LAMC1: variants seen among roughly 807,000 people sequenced by gnomAD.
LAMC1 encodes laminin subunit gamma 1.
Under a neutral mutation model 173.6 loss-of-function variants are expected in LAMC1, and 38 were observed. The ratio of observed to expected loss-of-function variants is 0.22; its 90% CI spans 0.17 to 0.29. The LOEUF is 0.29. Among genes scored for constraint, LAMC1 ranks in the 10% least tolerant of loss-of-function variants. The pLI is 1.00. For synonymous variants in LAMC1, 746 were observed against 749.1 expected, an observed-to-expected ratio of 1.00 and a Z score of 0.07; for missense variants, 1,824 against 2,051.8, an observed-to-expected ratio of 0.89 and a Z score of 2.14.
intron 1 of LAMC1, among the ~76,000 whole-genome samples, chr1:183,061,059 G>T (rs774670737): frequency 6.6e-6 from 1 of 152,148 alleles, no homozygotes; most frequent in Non-Finnish European, 1.5e-5. Context: ...TTAAGTTATT[G>T]TAGCAATCCA....
At chr1:183,091,898 C>T (rs1034943191) in intron 1 of LAMC1, among the ~76,000 whole-genome samples, 2 of 152,200 alleles carry the variant, frequency 1.3e-5, no homozygotes, top group African/African-American at 4.8e-5. Context: ...TGACCAGTGC[C>T]TGCCTATAAA....
At chr1:183,119,211 T>TA (rs955763972) in intron 11 of LAMC1, among the ~76,000 whole-genome samples, 1 of 151,960 alleles carries the variant, frequency 6.6e-6, no homozygotes, top group Non-Finnish European at 1.5e-5. Context: ...TTTTTTTTCT[T>TA]AAAAAAAAGT....
chr1:183,126,839 T>C (rs1656633561), intron 16 of LAMC1, among the ~76,000 whole-genome samples: 1 of 152,220 alleles, frequency 6.6e-6, no homozygotes, highest in South Asian at 2.1e-4. Flanking sequence ...ATAAACAAAC[T>C]ATAAGATAAT....
chr1:183,102,623 C>G (rs74616397), intron 1 of LAMC1, among the ~76,000 whole-genome samples: 1,748 of 152,346 alleles, frequency 0.011, 27 homozygotes, highest in African/African-American at 0.04. Flanking sequence ...GCTGTCTTTT[C>G]CTCTCTGCTC....
rs1158511955 is a variant in LAMC1, at chr1:183,131,305, A to G, written c.3493A>G (p.Thr1165Ala). 1 of 1,612,798 alleles carries G rather than the reference A, an allele frequency of 6.2e-7. No homozygotes were observed. Among genetic ancestry groups the G allele is most frequent in the East Asian group, 2.2e-5 (1 of 44,872 alleles). ...AKVAAANVSV[T>A]QPESTGDPNN... ...TGCTTTATTTCCTGTGCAGTCAGTC[A>G]CTCAGCCAGAATCTACAGGGGACCC... Residue 1165 changes from threonine to alanine, a missense_variant, in exon 20 of 28, where the codon ACT (threonine) becomes GCT (alanine). By Grantham distance (58) the Thr-to-Ala change is moderately conservative (BLOSUM62 0). Coordinates refer to ENST00000258341, the MANE Select transcript of LAMC1 (RefSeq NM_002293.4).
At chr1:183,027,070 A>G (rs1021417073) in intron 1 of LAMC1, among the ~76,000 whole-genome samples, 1 of 152,184 alleles carries the variant, frequency 6.6e-6, no homozygotes, top group Non-Finnish European at 1.5e-5. Context: ...ATTTTAACAG[A>G]TGGCAAATAC....
At chr1:183,126,352 A>T (rs753790655) in intron 16 of LAMC1, 90 bp downstream of exon 16, 326 of 1,370,570 alleles carry the variant, frequency 2.4e-4, no homozygotes, top group Non-Finnish European at 3.1e-4. Context: ...GCCTCAGTCT[A>T]GCCACTTGAC....
Position 183,116,476 on chromosome 1 carries a change from C to CA in LAMC1, c.1329-88dup, listed in dbSNP as rs10689020. The CA allele has an allele frequency of 0.35, 241,458 of 684,628 alleles. 12,977 individuals are homozygous for CA. Among genetic ancestry groups the CA allele is most frequent in the East Asian group, 0.39 (12,945 of 33,332 alleles). 42.4% of individuals were successfully genotyped at this position (684,628 alleles called of 1,614,324 possible). On this transcript the variant is annotated intron_variant, in intron 6 of 27. Coordinates refer to ENST00000258341, the MANE Select transcript of LAMC1 (RefSeq NM_002293.4). ...TGGGCGACAGTGTGAGACTCTGTCT[C>CA]AAAAAAAAAAAAATCTGTTAACATG...
chr1:183,092,132 A>ATT (rs752507298), intron 1 of LAMC1, among the ~76,000 whole-genome samples: 1 of 152,212 alleles, frequency 6.6e-6, no homozygotes, highest in Non-Finnish European at 1.5e-5. Context: ...TGTGTCTTAA[A>ATT]GAAGACTGCT....
At chr1:183,108,644 C>G (rs1351873502) in intron 3 of LAMC1, among the ~76,000 whole-genome samples, 1 of 152,194 alleles carries the variant, frequency 6.6e-6, no homozygotes, top group Admixed American at 6.5e-5. Context: ...TTTTCCAAAA[C>G]CTTGTCAAAT....
intron 2 of LAMC1, among the ~76,000 whole-genome samples, chr1:183,108,067 A>G (rs1297482326): frequency 6.6e-6 from 1 of 152,202 alleles, no homozygotes; most frequent in African/African-American, 2.4e-5. Context: ...GACTCCGAGT[A>G]GTAAAGTAAC....
intron 1 of LAMC1, among the ~76,000 whole-genome samples, chr1:183,037,345 G>GT (rs35921750): frequency 0.5 from 76,211 of 151,852 alleles, 19,746 homozygotes; most frequent in South Asian, 0.64. Context: ...GAATTGCTGA[G>GT]TTAGTTCACT....
intron 1 of LAMC1, among the ~76,000 whole-genome samples, chr1:183,069,778 C>T (rs952802696): frequency 2.6e-5 from 4 of 152,338 alleles, no homozygotes; most frequent in East Asian, 1.9e-4. Flanking sequence ...CCTTGCACCT[C>T]CCTGGCCCTG....
Position 183,145,237 on chromosome 1 carries a change from A to AT in LAMC1, c.*2453dup, listed in dbSNP as rs1162819918. The AT allele has an allele frequency of 6.5e-6, 1 of 152,680 alleles. No individual in the cohort carries two copies. The highest frequency in any genetic ancestry group is 1.9e-4 in the East Asian group (1 of 5,186). 9.5% of individuals were successfully genotyped at this position (152,680 alleles called of 1,614,324 possible). On this transcript the variant is annotated 3_prime_UTR_variant, in exon 28 of 28. Transcript: ENST00000258341. ...TGGTATATTTTTTAAGCAGAATTTTATTTTTTAAAATAAAAGGTTCTTTAC... is the reference window on the plus strand; with the variant it reads ...TGGTATATTTTTTAAGCAGAATTTTATTTTTTTAAAATAAAAGGTTCTTTAC...
rs145543209 is a variant in LAMC1 at position 183,110,288 on chromosome 1, C to G, written c.855-200C>G. On this transcript the variant is annotated intron_variant, in intron 3 of 27. Transcript: ENST00000258341. ...ACTTTCTTTTCATACCTGGTTAATC[C>G]CTACCCCTGTTAAGTAAAGCTACCT... Among the ~76,000 whole-genome samples, 522 of 152,254 alleles carry G rather than the reference C, an allele frequency of 3.4e-3. 5 individuals are homozygous for G. The highest frequency in any genetic ancestry group is 6.7e-3 in the Non-Finnish European group (459 of 68,018).
intron 1 of LAMC1, among the ~76,000 whole-genome samples, chr1:183,034,166 G>A (rs761700094): frequency 3.3e-5 from 5 of 152,218 alleles, no homozygotes; most frequent in Non-Finnish European, 7.3e-5. Flanking sequence ...TATGGGATGT[G>A]TGAGTTATGA....
At chr1:183,130,086 C>T (rs2102101746) in intron 18 of LAMC1, among the ~76,000 whole-genome samples, 1 of 152,200 alleles carries the variant, frequency 6.6e-6, no homozygotes, top group South Asian at 2.1e-4. Flanking sequence ...CTGCATAAGA[C>T]CAGCGATATA....
At chr1:183,113,416 A>C (rs1463492568) in intron 4 of LAMC1, among the ~76,000 whole-genome samples, 1 of 152,112 alleles carries the variant, frequency 6.6e-6, no homozygotes, top group African/African-American at 2.4e-5. Flanking sequence ...TTTAAACAAC[A>C]TCCTGTTCGA....
chr1:183,084,202 C>G (rs542486212), intron 1 of LAMC1, among the ~76,000 whole-genome samples: 1 of 152,092 alleles, frequency 6.6e-6, no homozygotes, highest in Non-Finnish European at 1.5e-5. Flanking sequence ...ATTAGCTGGG[C>G]GCAGTGGCGG....
Sources: gnomAD v4.1 joint callset for allele counts (sites outside exome capture counted in the v4.1 genomes callset) on GRCh38, gnomAD v4.1.1 for gene constraint, MANE v1.5 for transcripts, NCBI Gene and HGNC (gene_info 2026-07-23, HGNC 2026-07-21) for gene names.